The following TMEM87A variants were observed in gnomAD, a reference collection of about 807,000 sequenced individuals.
TMEM87A encodes Golgi-pH regulating cation channel.
Under a neutral mutation model 90.0 loss-of-function variants are expected in TMEM87A, and 50 were observed. The ratio of observed to expected loss-of-function variants is 0.56; its 90% CI spans 0.44 to 0.70. The LOEUF (loss-of-function observed/expected upper bound fraction) is 0.70. Ranked by LOEUF, TMEM87A falls within the 30% of genes least tolerant of loss-of-function variation. The pLI is 0.00. For synonymous variants in TMEM87A, 226 were observed against 226.7 expected (o/e 1.00, Z 0.03); for missense variants, 577 against 660.5 (o/e 0.87, Z 1.39).
chr15:42,247,910 A>G (rs2051008828), intron 6 of TMEM87A, among the ~76,000 whole-genome samples: 1 of 152,146 alleles, frequency 6.6e-6, no homozygotes, highest in Non-Finnish European at 1.5e-5. Flanking sequence ...GATTCTTCCT[A>G]TCCATGAGCA....
At chr15:42,243,724 G>A (rs2050917869) in intron 7 of TMEM87A, among the ~76,000 whole-genome samples, 1 of 151,774 alleles carries the variant, frequency 6.6e-6, no homozygotes, top group African/African-American at 2.4e-5. Context: ...TCTCCATGTT[G>A]GTCAGGCTGG....
intron 7 of TMEM87A, among the ~76,000 whole-genome samples, chr15:42,243,525 T>C (rs1259501111): frequency 6.7e-6 from 1 of 148,802 alleles, no homozygotes; most frequent in Non-Finnish European, 1.5e-5. Flanking sequence ...TTTTTTTTTT[T>C]TTTTTTTTGA....
chr15:42,212,246 T>G (rs2050302579), intron 19 of TMEM87A, among the ~76,000 whole-genome samples: 1 of 152,172 alleles, frequency 6.6e-6, no homozygotes, highest in Non-Finnish European at 1.5e-5. Flanking sequence ...ATTTACAGTA[T>G]CCCATTTCAA....
At chr15:42,226,357 A>G (rs935027751) in intron 15 of TMEM87A, among the ~76,000 whole-genome samples, 2 of 150,268 alleles carry the variant, frequency 1.3e-5, no homozygotes, top group African/African-American at 4.9e-5. Flanking sequence ...ATTAACGTGC[A>G]TATATTTTTT....
intron 12 of TMEM87A, among the ~76,000 whole-genome samples, chr15:42,230,234 C>T (rs916079298): frequency 2.0e-5 from 3 of 152,204 alleles, no homozygotes; most frequent in Admixed American, 2.0e-4. Context: ...ACTGTACAAT[C>T]CATTCCCACC....
intron 19 of TMEM87A, among the ~76,000 whole-genome samples, chr15:42,215,861 T>C (rs971991488): frequency 6.6e-6 from 1 of 152,188 alleles, no homozygotes; most frequent in South Asian, 2.1e-4. Context: ...ATAACTACCA[T>C]ATAATCCAGT....
intron 4 of TMEM87A, among the ~76,000 whole-genome samples, chr15:42,261,562 C>T (rs1262332594): frequency 6.6e-6 from 1 of 151,822 alleles, no homozygotes; most frequent in East Asian, 1.9e-4. Context: ...CATTTCCCCT[C>T]ATTCTACAGA....
At chr15:42,232,870 C>T (rs1035620426) in intron 11 of TMEM87A, 2 of 171,402 alleles carry the variant, frequency 1.2e-5, no homozygotes, top group African/African-American at 4.8e-5. Context: ...GTGTATGACT[C>T]CAAAGTCTGC....
Position 42,218,372 on chromosome 15 carries a change from C to T in TMEM87A, c.1546G>A (p.Asp516Asn). Reference sequence around the variant, plus strand: ...TTCTCTTCTACCCACTTCAAATCATCTTCCTGCTGGGAACATACAAATACC... The same window carrying T: ...TTCTCTTCTACCCACTTCAAATCATTTTCCTGCTGGGAACATACAAATACC... ...GNSKVNKAQE[D>N]DLKWVEENVP... Residue 516 changes from aspartate to asparagine, a missense_variant, in exon 18 of 20, where the codon GAT becomes AAT. Asp to Asn is a conservative substitution (Grantham distance 23). Transcript: ENST00000389834. 1 of 1,613,762 alleles carries T rather than the reference C, an allele frequency of 6.2e-7. No homozygotes were observed. The highest frequency in any genetic ancestry group is 8.5e-7 in the Non-Finnish European group (1 of 1,179,802).
chr15:42,234,032 T>C (rs940967564), intron 10 of TMEM87A, among the ~76,000 whole-genome samples: 6 of 152,064 alleles, frequency 3.9e-5, no homozygotes, highest in African/African-American at 9.6e-5. Context: ...TTCTCCTGCA[T>C]TGGCCTCCCC....
At chr15:42,266,721 C>G (rs961979385) in intron 3 of TMEM87A, among the ~76,000 whole-genome samples, 1 of 151,946 alleles carries the variant, frequency 6.6e-6, no homozygotes, top group African/African-American at 2.4e-5. Flanking sequence ...CTAGATAAAG[C>G]AGTAAAAATT....
intron 13 of TMEM87A, 115 bp downstream of exon 13, chr15:42,228,597 C>A (rs563583793): frequency 1.2e-5 from 10 of 804,998 alleles, no homozygotes; most frequent in Non-Finnish European, 1.9e-5. Context: ...AGCTAAGAAC[C>A]CTTTTCCAAG....
chr15:42,225,602 G>A (rs1333997307), intron 15 of TMEM87A, among the ~76,000 whole-genome samples: 3 of 152,080 alleles, frequency 2.0e-5, no homozygotes, highest in Admixed American at 6.6e-5. Flanking sequence ...GCGCCATCTC[G>A]CCTCACTGCA....
intron 6 of TMEM87A, among the ~76,000 whole-genome samples, chr15:42,244,497 G>A (rs777517586): frequency 6.6e-6 from 1 of 151,540 alleles, no homozygotes. Flanking sequence ...GTTTTATGCA[G>A]ACATTACAAA....
At chr15:42,236,738 A>C (rs1218769457) in intron 9 of TMEM87A, among the ~76,000 whole-genome samples, 1 of 152,206 alleles carries the variant, frequency 6.6e-6, no homozygotes, top group African/African-American at 2.4e-5. Context: ...CCATTTTTAA[A>C]AACTGTGAAA....
At chr15:42,270,458 TAGAG>T (rs1244985071) in intron 2 of TMEM87A, among the ~76,000 whole-genome samples, 3 of 152,010 alleles carry the variant, frequency 2.0e-5, no homozygotes. Context: ...GGGCTGGGCA[TAGAG>T]ACTCATGCCT....
At chr15:42,253,772 G>C (rs574281265) in intron 6 of TMEM87A, among the ~76,000 whole-genome samples, 14 of 152,294 alleles carry the variant, frequency 9.2e-5, no homozygotes, top group Non-Finnish European at 1.8e-4. Flanking sequence ...AGATTTCAAA[G>C]TTCTGTGAAA....
chr15:42,261,855 C>T (rs1037502109), intron 4 of TMEM87A, among the ~76,000 whole-genome samples: 1 of 152,228 alleles, frequency 6.6e-6, no homozygotes, highest in South Asian at 2.1e-4. Context: ...AGGATGGTCT[C>T]AATCTCCTGA....
chr15:42,260,202 A>G (rs886804511), intron 6 of TMEM87A, among the ~76,000 whole-genome samples: 6 of 151,994 alleles, frequency 3.9e-5, no homozygotes, highest in Non-Finnish European at 8.8e-5. Flanking sequence ...GTGAGACCCA[A>G]CCCCCACAAA....
Sources: gnomAD v4.1 joint callset for allele counts (sites outside exome capture counted in the v4.1 genomes callset) on GRCh38, gnomAD v4.1.1 for gene constraint, MANE v1.5 for transcripts, NCBI Gene and HGNC (gene_info 2026-07-23, HGNC 2026-07-21) for gene names.